The following DCHS1 variants were observed in gnomAD, a reference collection of about 807,000 sequenced individuals.
DCHS1 encodes the protein dachsous cadherin-related 1.
A neutral mutation model predicts 213.9 loss-of-function variants in DCHS1; 78 were observed. The observed-to-expected ratio is 0.36, with a 90% CI of 0.30 to 0.44. The LOEUF (loss-of-function observed/expected upper bound fraction) is 0.44, where lower values mean the gene tolerates loss of function less well. Ranked by LOEUF, DCHS1 falls within the 20% of genes least tolerant of loss-of-function variation. The pLI, the probability that DCHS1 is intolerant of heterozygous loss-of-function variation, is 1.00. For synonymous variants in DCHS1, 1,828 were observed against 1,873.7 expected (o/e 0.98, Z 0.63); for missense variants, 3,946 against 4,395.9 (o/e 0.90, Z 2.89).
Position 6,624,934 on chromosome 11 carries a change from T to C in DCHS1, c.7147-66A>G, listed in dbSNP as rs1290314116. On this transcript the variant is annotated intron_variant, in intron 19 of 20. Coordinates refer to ENST00000299441, the MANE Select transcript of DCHS1 (RefSeq NM_003737.4). ...TTGCCCTGCTGTCCATGCAGCCTGT[T>C]CTGGAGCTTGGTTCCTTGTGCCCTG... 9 of 1,595,012 alleles carry C rather than the reference T, an allele frequency of 5.6e-6. No homozygotes were observed. The African/African-American group carries it at 1.2e-4, about 21-fold the overall frequency.
rs528497993 is a variant in DCHS1 at position 6,621,829 on chromosome 11, T to C, written c.9847A>G (p.Ser3283Gly). 1.2e-6 allele frequency: 2 copies of C among 1,608,820 alleles called. No homozygotes were observed. The highest frequency in any genetic ancestry group is 4.5e-5 in the East Asian group (2 of 44,754). Residue 3283 changes from serine (S) to glycine (G), a missense_variant, in exon 21 of 21, where the codon AGC becomes GGC. Ser to Gly is a moderately conservative substitution (Grantham distance 56). Coordinates refer to ENST00000299441, the MANE Select transcript of DCHS1 (RefSeq NM_003737.4). ...GGTGGCTCCAGGCCAGACTCTGCGCTGAGTGCTGAGGCTGAGGGACCCTGG... is the reference window on the plus strand; with the variant it reads ...GGTGGCTCCAGGCCAGACTCTGCGCCGAGTGCTGAGGCTGAGGGACCCTGG... ...VAQGPSASALSAESGLEPPDD... is the reference protein window; with the variant it reads ...VAQGPSASALGAESGLEPPDD...
intron 1 of DCHS1, among the ~76,000 whole-genome samples, chr11:6,645,635 G>A (rs912219180): frequency 2.6e-5 from 4 of 152,156 alleles, no homozygotes; most frequent in African/African-American, 9.7e-5. Flanking sequence ...TAAATCTCAG[G>A]TGAATGATCA....
At position 6,624,111 on chromosome 11, in the gene DCHS1, A is replaced by C; in HGVS notation, c.7565T>G (p.Ile2522Ser). 1.2e-6 allele frequency: 2 copies of C among 1,612,018 alleles called. No individual in the cohort carries two copies. Among genetic ancestry groups the C allele is most frequent in the Non-Finnish European group, 1.7e-6 (2 of 1,179,182 alleles). Residue 2522 changes from isoleucine (I) to serine (S), a missense_variant, in exon 21 of 21, where the codon ATC becomes AGC. Transcript: ENST00000299441. ...SRSHAAVDYS[I>S]ISGNWGRVFQ... is the part of the protein sequence containing the mutation. The stretch of plus-strand genomic sequence containing the variant: ...GACTCGGCCCCAGTTGCCACTGATG[A>C]TGCTGTAGTCCACAGCGGCATGGCT...
rs1856059843 is a variant in DCHS1, at chr11:6,640,797, G to C, written c.817C>G (p.Pro273Ala). ...TCAGATGCGAACACCTGCAAGACAG[G>C]ACTGCCAGGGGCCAGGCTCTCAGAC... ...VVSESLAPGSPVLQVFASDAD... is the reference protein window; with the variant it reads ...VVSESLAPGSAVLQVFASDAD... The change falls in exon 2 of 21, where the codon CCT becomes GCT. Residue 273 changes from proline to alanine, a missense_variant. Pro to Ala is a conservative substitution (Grantham distance 27). Coordinates refer to ENST00000299441, the MANE Select transcript of DCHS1 (RefSeq NM_003737.4). This position sits in a 1 kb window ranked among gnomAD's most constrained non-coding sequence, Gnocchi z 6.5. 1.9e-6 allele frequency: 3 copies of C among 1,614,060 alleles called. No homozygotes were observed. Among genetic ancestry groups the C allele is most frequent in the East Asian group, 2.2e-5 (1 of 44,886 alleles).
chr11:6,634,150 T>A lies in DCHS1; in HGVS notation c.1954A>T (p.Ser652Cys). 1 of 1,608,884 alleles carries A rather than the reference T, an allele frequency of 6.2e-7. No homozygotes were observed. The change falls in exon 3 of 21, where the codon AGC becomes TGC. Residue 652 changes from serine (S) to cysteine (C), a missense_variant. Physicochemically the swap from Ser to Cys is moderately radical, Grantham distance 112. Around this residue, in one of 3 missense-constraint regions of DCHS1, gnomAD observed 3,384 missense variants for 3,780.1 expected, o/e 0.90. Coordinates refer to ENST00000299441, the MANE Select transcript of DCHS1 (RefSeq NM_003737.4). ...ACAGCTGTCACTGTGAAGTCAAAGC[T>A]TGAGGGCCCCTGGTCACGGTCCAGG... is the stretch of plus-strand genomic sequence containing the variant. ...RTLDRDQGPS[S>C]FDFTVTAVDG... is the part of the protein sequence containing the mutation.
Position 6,633,030 on chromosome 11 carries a change from G to A in DCHS1, c.2482C>T (p.Leu828=). 2.5e-6 allele frequency: 4 copies of A among 1,609,024 alleles called. No homozygotes were observed. The highest frequency in any genetic ancestry group is 2.6e-6 in the Non-Finnish European group (3 of 1,175,952). The change falls in exon 6 of 21, where the codon CTA becomes TTA. Residue 828 remains leucine (L), a synonymous_variant. Coordinates refer to ENST00000299441, the MANE Select transcript of DCHS1 (RefSeq NM_003737.4). The part of the protein sequence containing the change: ...PGRLAPVTLS[L]SGGDPRGLFS... ...AGTCCTCGGGGATCCCCACCTGATA[G>A]GGAAAGGGTCACAGGTGCCAAGCGA...
Position 6,627,410 on chromosome 11 carries a change from G to A in DCHS1, c.5629C>T (p.Leu1877=), listed in dbSNP as rs1554903907. 1 of 1,610,120 alleles carries A rather than the reference G, an allele frequency of 6.2e-7. No individual in the cohort carries two copies. Among genetic ancestry groups the A allele is most frequent in the Non-Finnish European group, 8.5e-7 (1 of 1,178,306 alleles). Residue 1877 remains leucine, a synonymous_variant, in exon 14 of 21, where the codon CTA becomes TTA. Coordinates refer to ENST00000299441, the MANE Select transcript of DCHS1 (RefSeq NM_003737.4). The surrounding 1 kb of genome is among the most constrained non-coding windows in gnomAD (Gnocchi z 5.4). ...CCAGCATCAGGGTCATGAGCCTGTA[G>A]CTGCAGCAGCAGGGTCCCTGCAGGC... ...DVPAGTLLLQ[L]QAHDPDAGAN...
At position 6,624,225 on chromosome 11, in the gene DCHS1, A is replaced by G. The variant is rs1855754114; in HGVS notation, c.7451T>C (p.Leu2484Ser). ...DQNDHAPSFT[L>S]SHYRVAVTED... is the part of the protein sequence containing the mutation. The stretch of plus-strand genomic sequence containing the variant: ...AGTCACAGCCACACGGTAGTGTGAC[A>G]ATGTGAAGCTCGGGGCGTGGTCGTT... Residue 2484 changes from leucine (L) to serine (S), a missense_variant, in exon 21 of 21, where the codon TTG becomes TCG. By Grantham distance (145) the Leu-to-Ser change is moderately radical. Around this residue, in one of 3 missense-constraint regions of DCHS1, gnomAD observed 3,384 missense variants for 3,780.1 expected, o/e 0.90. Coordinates refer to ENST00000299441, the MANE Select transcript of DCHS1 (RefSeq NM_003737.4). 14 of 1,613,348 alleles carry G rather than the reference A, an allele frequency of 8.7e-6. No homozygotes were observed. Among genetic ancestry groups the G allele is most frequent in the Non-Finnish European group, 1.2e-5 (14 of 1,179,728 alleles).
intron 10 of DCHS1, 41 bp downstream of exon 10, chr11:6,629,958 T>TC (rs756294918): frequency 6.3e-7 from 1 of 1,598,692 alleles, no homozygotes; most frequent in Admixed American, 1.7e-5. Context: ...ACACTCCACA[T>TC]CAGCACCTTC....
chr11:6,622,096 G>C lies in DCHS1; in HGVS notation c.9580C>G (p.Pro3194Ala). ...ARLKDEARPC[P>A]PAPRIDPPPL... ...GGTGGGTCGATACGGGGAGCTGGGG[G>C]ACATGGCCGAGCTTCATCCTTGAGC... The change falls in exon 21 of 21, where the codon CCC (proline) becomes GCC (alanine). Residue 3194 changes from proline to alanine, a missense_variant. By Grantham distance (27) the Pro-to-Ala change is conservative (BLOSUM62 -1). This residue lies in a region of DCHS1 where 554 missense variants were observed against 590.2 expected (regional missense o/e 0.94). Coordinates refer to ENST00000299441, the MANE Select transcript of DCHS1 (RefSeq NM_003737.4). The surrounding 1 kb of genome is among the most constrained non-coding windows in gnomAD (Gnocchi z 5.4). 6.2e-7 allele frequency: 1 copy of C among 1,613,218 alleles called. No homozygotes were observed. The highest frequency in any genetic ancestry group is 8.5e-7 in the Non-Finnish European group (1 of 1,179,816).
rs996667091 is a variant in DCHS1, at chr11:6,630,553, C to T, written c.4241G>A (p.Gly1414Asp). Residue 1414 changes from glycine to aspartate, a missense_variant, in exon 10 of 21, where the codon GGC (glycine) becomes GAC (aspartate). By Grantham distance (94) the Gly-to-Asp change is moderately conservative. Coordinates refer to ENST00000299441, the MANE Select transcript of DCHS1 (RefSeq NM_003737.4). ...CACTCGCAGCAGCCGCGCGCCCGCGCCTCCCGGCCCCTCAGCGCGTACCGT... is the reference window on the plus strand; with the variant it reads ...CACTCGCAGCAGCCGCGCGCCCGCGTCTCCCGGCCCCTCAGCGCGTACCGT... ...ALTVRAEGPG[G>D]AGARLLRVQV... 1.3e-6 allele frequency: 2 copies of T among 1,534,246 alleles called. No individual in the cohort carries two copies. The highest frequency in any genetic ancestry group is 1.7e-6 in the Non-Finnish European group (2 of 1,147,792).
At chr11:6,643,630 T>C (rs1856112649) in intron 1 of DCHS1, among the ~76,000 whole-genome samples, 1 of 152,226 alleles carries the variant, frequency 6.6e-6, no homozygotes, top group African/African-American at 2.4e-5. Context: ...GGTTCAGTCC[T>C]GGGCAGTGTC....
chr11:6,650,661 C>T (rs1438241565), intron 1 of DCHS1, among the ~76,000 whole-genome samples: 1 of 152,008 alleles, frequency 6.6e-6, no homozygotes, highest in African/African-American at 2.4e-5. Flanking sequence ...GCTAAGAGGG[C>T]ATTAAAGGAA....
intron 1 of DCHS1, among the ~76,000 whole-genome samples, chr11:6,653,661 A>C (rs1589965481): frequency 6.6e-6 from 1 of 152,190 alleles, no homozygotes; most frequent in African/African-American, 2.4e-5. Context: ...AATTTATAGA[A>C]GCGTCCCCTG....
rs183732627 is a variant in DCHS1, at chr11:6,640,418, G to A, written c.1196C>T (p.Ala399Val). 2.7e-5 allele frequency: 44 copies of A among 1,613,946 alleles called. No individual in the cohort carries two copies. In the East Asian group the frequency reaches 9.6e-4, roughly 35 times the overall value. ...ACCTTCCAGGGACACATTGACATGG[G>A]CAAAGTCACCATCATCTGGGTCTGA... is the stretch of plus-strand genomic sequence containing the variant. ...SVSDPDDGDF[A>V]HVNVSLEGGE... Residue 399 changes from alanine to valine, a missense_variant, in exon 2 of 21, where the codon GCC becomes GTC. Physicochemically the swap from Ala to Val is moderately conservative, Grantham distance 64. Transcript: ENST00000299441. This position sits in a 1 kb window ranked among gnomAD's most constrained non-coding sequence, Gnocchi z 6.5.
chr11:6,632,655 T>TAAGCCGTAC lies in DCHS1; in HGVS notation c.2848_2856dup (p.Val950_Leu952dup), dbSNP rs1564865475. On this transcript the variant is annotated inframe_insertion, in exon 6 of 21. Transcript: ENST00000299441. The surrounding 1 kb of genome is among the most constrained non-coding windows in gnomAD (Gnocchi z 5.9). ...CCTCCTGAGGGCCCCAGAGGCCTCA[T>TAAGCCGTAC]AAGCCGTACATGGCCTGTGGTGGGG... 2 of 1,566,546 alleles carry TAAGCCGTAC rather than the reference T, an allele frequency of 1.3e-6. No individual in the cohort carries two copies. The highest frequency in any genetic ancestry group is 1.7e-6 in the Non-Finnish European group (2 of 1,154,450).
rs1856039698 is a variant in DCHS1, at chr11:6,639,886, G to A, written c.1728C>T (p.Pro576=). ...CATTGTAGAAAGTCCTCTGGAATTG[G>A]GGCTCATTATCATTCACATCTTGCA... ...VALQDVNDNE[P]QFQRTFYNAS... is the part of the protein sequence containing the mutation. The change falls in exon 2 of 21, where the codon CCC becomes CCT. Residue 576 remains proline, a synonymous_variant. Transcript: ENST00000299441. The A allele has an allele frequency of 6.2e-6, 10 of 1,613,664 alleles. 1 individual carries two copies. In the African/African-American group the frequency reaches 1.1e-4, roughly 17 times the overall value.
chr11:6,632,416 G>T lies in DCHS1; in HGVS notation c.3096C>A (p.Ile1032=). The T allele has an allele frequency of 1.9e-6, 3 of 1,612,432 alleles. No homozygotes were observed. The highest frequency in any genetic ancestry group is 1.7e-6 in the Non-Finnish European group (2 of 1,178,838). The change falls in exon 6 of 21, where the codon ATC becomes ATA. Residue 1032 remains isoleucine (I), a synonymous_variant. Coordinates refer to ENST00000299441, the MANE Select transcript of DCHS1 (RefSeq NM_003737.4). The surrounding 1 kb of genome is among the most constrained non-coding windows in gnomAD (Gnocchi z 5.9). ...CTCCCTCTGCTGCAAGGTGATAGGT[G>T]ATAGGGCCCCCATCTGGTGCTTGGG... ...VQAQAPDGGP[I]TYHLAAEGAS...
In DCHS1 at chr11:6,625,865, C is replaced by G; in HGVS notation, c.6731+55G>C. 5 of 1,598,638 alleles carry G rather than the reference C, an allele frequency of 3.1e-6. No individual in the cohort carries two copies. On this transcript the variant is annotated intron_variant, in intron 17 of 20. Coordinates refer to ENST00000299441, the MANE Select transcript of DCHS1 (RefSeq NM_003737.4). This position sits in a 1 kb window ranked among gnomAD's most constrained non-coding sequence, Gnocchi z 5.3. ...GGGACCAGATGAGTTCAAGGCAGGGCTTGAAACTGGACAGGCCCAAGATGG... is the reference window on the plus strand; with the variant it reads ...GGGACCAGATGAGTTCAAGGCAGGGGTTGAAACTGGACAGGCCCAAGATGG...
Sources: gnomAD v4.1 joint callset for allele counts (sites outside exome capture counted in the v4.1 genomes callset) on GRCh38, gnomAD v4.1.1 for gene constraint, gnomAD v4.1.1 regional missense constraint, Gnocchi (gnomAD v3.1) non-coding constraint, MANE v1.5 for transcripts, NCBI Gene and HGNC (gene_info 2026-07-23, HGNC 2026-07-21) for gene names.